The following CDK17 variants were observed in gnomAD, a reference collection of about 807,000 sequenced individuals.
The protein encoded by CDK17 is cyclin-dependent kinase 17.
CDK17 carries 24 observed loss-of-function variants against 77.6 expected under a neutral mutation model. The observed-to-expected ratio is 0.31, with a 90% CI of 0.22 to 0.44. The LOEUF (loss-of-function observed/expected upper bound fraction) is 0.44, where lower values mean the gene tolerates loss of function less well. Ranked by LOEUF, CDK17 falls within the 20% of genes least tolerant of loss-of-function variation. CDK17 has a pLI of 1.00. For synonymous variants in CDK17, 203 were observed against 210.4 expected (o/e 0.96, Z 0.30); for missense variants, 429 against 622.5 (o/e 0.69, Z 3.31).
chr12:96,351,860 C>T (rs764135436), intron 1 of CDK17, among the ~76,000 whole-genome samples: 6 of 152,062 alleles, frequency 3.9e-5, no homozygotes, highest in African/African-American at 7.2e-5. Context: ...TCAGGATTAG[C>T]GCTTTATGGT....
At chr12:96,308,751 A>ATAATAATAATAATAATAATAATAG (rs1555200770) in intron 5 of CDK17, among the ~76,000 whole-genome samples, 1 of 147,734 alleles carries the variant, frequency 6.8e-6, no homozygotes, top group South Asian at 2.1e-4. Flanking sequence ...AATAATAATA[A>ATAATAATAATAATAATAATAATAG]TAATAATAAT....
intron 13 of CDK17, 41 bp from the exon 14 acceptor site, chr12:96,283,686 A>G (rs1217834904): frequency 1.5e-6 from 2 of 1,358,914 alleles, no homozygotes; most frequent in Non-Finnish European, 1.0e-6. Flanking sequence ...ATGCTCTCTT[A>G]GCTGATAAAA....
At chr12:96,293,359 A>T (rs924049758) in intron 10 of CDK17, among the ~76,000 whole-genome samples, 13 of 152,170 alleles carry the variant, frequency 8.5e-5, no homozygotes, top group African/African-American at 2.9e-4. Flanking sequence ...TCAATAGAAG[A>T]CAACTGGATT....
chr12:96,318,263 T>C (rs1474304561), intron 3 of CDK17, among the ~76,000 whole-genome samples: 2 of 151,882 alleles, frequency 1.3e-5, no homozygotes, highest in Non-Finnish European at 2.9e-5. Flanking sequence ...CCTAAATATA[T>C]ATGCACCCAA....
chr12:96,341,629 T>A (rs1953124058), intron 1 of CDK17, among the ~76,000 whole-genome samples: 1 of 152,074 alleles, frequency 6.6e-6, no homozygotes, highest in African/African-American at 2.4e-5. Context: ...TAAGGAAAGG[T>A]AAGAATTCTA....
chr12:96,301,194 C>T (rs1952495179), intron 5 of CDK17, among the ~76,000 whole-genome samples: 1 of 136,818 alleles, frequency 7.3e-6, no homozygotes, highest in Admixed American at 8.2e-5. Flanking sequence ...AACATAGAAG[C>T]AGCAATGTAA....
intron 10 of CDK17, 24 bp from the exon 11 acceptor site, chr12:96,289,311 G>C: frequency 6.2e-7 from 1 of 1,613,086 alleles, no homozygotes; most frequent in Non-Finnish European, 8.5e-7. Context: ...ATAAAACAAA[G>C]GGTTAAGAAA....
At chr12:96,363,385 AG>A (rs1192505106) in intron 1 of CDK17, among the ~76,000 whole-genome samples, 8 of 149,156 alleles carry the variant, frequency 5.4e-5, no homozygotes, top group Admixed American at 2.7e-4. Context: ...CAGGAGGCAG[AG>A]GTTGCAGTGA....
intron 8 of CDK17, 63 bp from the exon 9 acceptor site, chr12:96,297,395 T>A: frequency 9.3e-7 from 1 of 1,076,772 alleles, no homozygotes; most frequent in South Asian, 1.4e-5. Flanking sequence ...ACTGGTTCAC[T>A]TAATAGTGTT....
At chr12:96,385,509 A>C (rs1953958160) in intron 1 of CDK17, among the ~76,000 whole-genome samples, 1 of 152,192 alleles carries the variant, frequency 6.6e-6, no homozygotes, top group Non-Finnish European at 1.5e-5. Context: ...TGAATCAAAA[A>C]TAAAAGTTGA....
At chr12:96,390,335 T>C (rs904831038) in intron 1 of CDK17, among the ~76,000 whole-genome samples, 4 of 150,256 alleles carry the variant, frequency 2.7e-5, no homozygotes, top group African/African-American at 9.8e-5. Flanking sequence ...TTCATCATGT[T>C]GACCAGGGTG....
At chr12:96,315,641 T>A (rs953860626) in intron 3 of CDK17, among the ~76,000 whole-genome samples, 21 of 152,102 alleles carry the variant, frequency 1.4e-4, no homozygotes, top group African/African-American at 5.1e-4. Flanking sequence ...AAGAAAATGT[T>A]GACTAAAATA....
In CDK17 at chr12:96,344,908, C is replaced by T. The variant is rs112978980; in HGVS notation, c.-29-10043G>A. 6.1e-3 allele frequency among the ~76,000 whole-genome samples: 924 copies of T among 152,168 alleles called. 11 individuals carry two copies. The highest frequency in any genetic ancestry group is 0.02 in the African/African-American group (829 of 41,508). On this transcript the variant is annotated intron_variant, in intron 1 of 16. Coordinates refer to ENST00000261211, the MANE Select transcript of CDK17 (RefSeq NM_002595.5). ...GGTAAACATGTGCCATGGTGGTGTG[C>T]TGCACTTAACCCATCACCTAGGTAT... is the stretch of plus-strand genomic sequence containing the variant.
chr12:96,281,702 A>G (rs1952180899), intron 15 of CDK17: 1 of 152,272 alleles, frequency 6.6e-6, no homozygotes, highest in Non-Finnish European at 1.5e-5. Context: ...CTTGTAATTT[A>G]TCTTTTTCAT....
chr12:96,315,801 G>C (rs1952706072), intron 3 of CDK17, among the ~76,000 whole-genome samples: 1 of 152,104 alleles, frequency 6.6e-6, no homozygotes, highest in Admixed American at 6.6e-5. Context: ...TGATGAGAAG[G>C]TCCCTGGGTT....
chr12:96,342,193 AAAT>A (rs1429702123), intron 1 of CDK17, among the ~76,000 whole-genome samples: 1 of 152,222 alleles, frequency 6.6e-6, no homozygotes, highest in Non-Finnish European at 1.5e-5. Flanking sequence ...CGATGACTAT[AAAT>A]AAAAACTACT....
At chr12:96,322,500 A>C (rs1039104898) in intron 3 of CDK17, among the ~76,000 whole-genome samples, 5 of 152,126 alleles carry the variant, frequency 3.3e-5, no homozygotes, top group African/African-American at 1.2e-4. Flanking sequence ...TTACAAAAAA[A>C]AAAAAAACAA....
At chr12:96,298,643 A>G (rs752775395) in intron 7 of CDK17, among the ~76,000 whole-genome samples, 2 of 152,216 alleles carry the variant, frequency 1.3e-5, no homozygotes, top group Non-Finnish European at 2.9e-5. Context: ...TCCCTATGAC[A>G]AATAGTTGTC....
intron 10 of CDK17, among the ~76,000 whole-genome samples, chr12:96,293,999 C>G (rs969429215): frequency 1.3e-5 from 2 of 152,122 alleles, no homozygotes; most frequent in East Asian, 3.9e-4. Context: ...CTGCCAAACA[C>G]CTAAGTCTGA....
Sources: gnomAD v4.1 joint callset for allele counts (sites outside exome capture counted in the v4.1 genomes callset) on GRCh38, gnomAD v4.1.1 for gene constraint, MANE v1.5 for transcripts, NCBI Gene and HGNC (gene_info 2026-07-23, HGNC 2026-07-21) for gene names.